LRP1B: variants seen among roughly 807,000 people sequenced by gnomAD.
The protein encoded by LRP1B is LDL receptor related protein 1B.
In LRP1B, 217 loss-of-function variants were observed where a neutral mutation model predicts 556.6. The observed-to-expected ratio is 0.39, with a 90% CI of 0.35 to 0.44. The LOEUF (loss-of-function observed/expected upper bound fraction) is 0.44. LRP1B is among the 20% of genes least tolerant of loss of function. The pLI is 1.00. For missense variants in LRP1B, 5,053 were observed against 5,620.8 expected (o/e 0.90, Z 3.23); for synonymous variants, 2,047 against 1,865.8 (o/e 1.10, Z -2.50).
At chr2:141,820,559 A>G (rs1371607446) in intron 1 of LRP1B, among the ~76,000 whole-genome samples, 2 of 152,226 alleles carry the variant, frequency 1.3e-5, no homozygotes, top group Non-Finnish European at 2.9e-5. Flanking sequence ...TTAGACGGGC[A>G]TTGAGGAATG....
chr2:140,950,288 T>C lies in LRP1B; in HGVS notation c.3083A>G (p.Asp1028Gly). Reference sequence around the variant, plus strand: ...ATCACTGAAGTCCCCACAGTCATTGTCACCATCACAGGCCCAGTGGCCTGG... The same window carrying C: ...ATCACTGAAGTCCCCACAGTCATTGCCACCATCACAGGCCCAGTGGCCTGG... ...CIPGHWACDG[D>G]NDCGDFSDEA... The change falls in exon 20 of 91, where the codon GAC becomes GGC. Residue 1028 changes from aspartate to glycine, a missense_variant. Around this residue, in one of 5 missense-constraint regions of LRP1B, gnomAD observed 3,619 missense variants for 3,931.9 expected, o/e 0.92. Transcript: ENST00000389484. 2 of 1,613,080 alleles carry C rather than the reference T, an allele frequency of 1.2e-6. No homozygotes were observed. The highest frequency in any genetic ancestry group is 2.2e-5 in the East Asian group (1 of 44,770).
intron 15 of LRP1B, among the ~76,000 whole-genome samples, chr2:140,998,116 T>G (rs1425497776): frequency 6.6e-6 from 1 of 152,050 alleles, no homozygotes; most frequent in Non-Finnish European, 1.5e-5. Context: ...GTCCTGTTTC[T>G]TGACAGAGGA....
At chr2:141,347,337 T>C (rs1354459219) in intron 3 of LRP1B, among the ~76,000 whole-genome samples, 1 of 152,052 alleles carries the variant, frequency 6.6e-6, no homozygotes, top group African/African-American at 2.4e-5. Flanking sequence ...AATCAAACTT[T>C]AATAGAATGC....
chr2:141,844,943 G>T (rs954190652), intron 1 of LRP1B, among the ~76,000 whole-genome samples: 4 of 151,716 alleles, frequency 2.6e-5, no homozygotes, highest in Admixed American at 2.0e-4. Context: ...ATTTCTTCAT[G>T]TTTGCCTTAT....
intron 1 of LRP1B, among the ~76,000 whole-genome samples, chr2:142,129,460 T>C (rs904156785): frequency 6.6e-6 from 1 of 152,210 alleles, no homozygotes; most frequent in African/African-American, 2.4e-5. Flanking sequence ...CCCTGTTCTT[T>C]CCTATAATGA....
chr2:142,041,109 T>G (rs1704050179), intron 1 of LRP1B, among the ~76,000 whole-genome samples: 1 of 151,342 alleles, frequency 6.6e-6, no homozygotes, highest in Non-Finnish European at 1.5e-5. Context: ...ACCAGTGCCT[T>G]TTTTTTTCTT....
chr2:140,371,247 T>G lies in LRP1B; in HGVS notation c.10807A>C (p.Ser3603Arg). The change falls in exon 70 of 91, where the codon AGT becomes CGT. Residue 3603 changes from serine to arginine, a missense_variant. This residue lies in a region of LRP1B where 599 missense variants were observed against 648.4 expected (regional missense o/e 0.92). Coordinates refer to ENST00000389484, the MANE Select transcript of LRP1B (RefSeq NM_018557.3). The stretch of plus-strand genomic sequence containing the variant: ...AAAGATGCTGAAATACATCCATCAC[T>G]GGCACATATATATTCACGTGATGAG... Reference protein sequence around the residue: ...TCSSREYICASDGCISASLKC... With the variant: ...TCSSREYICARDGCISASLKC... 6.3e-7 allele frequency: 1 copy of G among 1,596,304 alleles called. No individual in the cohort carries two copies. The highest frequency in any genetic ancestry group is 8.5e-7 in the Non-Finnish European group (1 of 1,171,246).
At chr2:141,858,117 T>C (rs1698121500) in intron 1 of LRP1B, among the ~76,000 whole-genome samples, 1 of 152,076 alleles carries the variant, frequency 6.6e-6, no homozygotes, top group African/African-American at 2.4e-5. Flanking sequence ...TACCTTGTAT[T>C]TAGGATCTTC....
At chr2:141,541,479 C>T (rs560007863) in intron 2 of LRP1B, among the ~76,000 whole-genome samples, 4 of 152,118 alleles carry the variant, frequency 2.6e-5, no homozygotes, top group South Asian at 2.1e-4. Context: ...CAATGTCCAG[C>T]GTGTTCATGA....
chr2:140,465,762 A>G (rs75998578), intron 60 of LRP1B, among the ~76,000 whole-genome samples: 2,288 of 152,044 alleles, frequency 0.015, 55 homozygotes, highest in African/African-American at 0.05. Context: ...CATATATGCA[A>G]ATTTAATGTA....
At chr2:141,282,010 T>C (rs1685526786) in intron 3 of LRP1B, among the ~76,000 whole-genome samples, 1 of 152,118 alleles carries the variant, frequency 6.6e-6, no homozygotes, top group South Asian at 2.1e-4. Flanking sequence ...GTAGCTACTT[T>C]TCTAAAAATA....
chr2:141,090,631 C>T (rs905230303), intron 7 of LRP1B, among the ~76,000 whole-genome samples: 2 of 152,128 alleles, frequency 1.3e-5, no homozygotes, highest in African/African-American at 4.8e-5. Context: ...AATTCAACTT[C>T]TATTTTATGT....
intron 3 of LRP1B, among the ~76,000 whole-genome samples, chr2:141,301,677 T>C (rs1686401280): frequency 6.6e-6 from 1 of 152,198 alleles, no homozygotes; most frequent in African/African-American, 2.4e-5. Flanking sequence ...AATAGCTCAT[T>C]TCCTGAACAG....
chr2:141,082,130 CTTATT>C (rs10531696), intron 7 of LRP1B, among the ~76,000 whole-genome samples: 128,582 of 151,658 alleles, frequency 0.85, 54,848 homozygotes, highest in Non-Finnish European at 0.89. Context: ...CAAGACAATT[CTTATT>C]TTAATTTTTG....
rs781118784 is a variant in LRP1B at position 140,297,911 on chromosome 2, G to A, written c.12864C>T (p.Val4288=). 1 of 1,613,982 alleles carries A rather than the reference G, an allele frequency of 6.2e-7. No homozygotes were observed. The highest frequency in any genetic ancestry group is 1.1e-5 in the South Asian group (1 of 91,056). The change falls in exon 84 of 91, where the codon GTC becomes GTT. Residue 4288 remains valine (V), a synonymous_variant. Transcript: ENST00000389484. ...CTCCATTTTGACAAAAATCCTCACAGACTGTCTTACCACAGTTTGGCCCAG... is the reference window on the plus strand; with the variant it reads ...CTCCATTTTGACAAAAATCCTCACAAACTGTCTTACCACAGTTTGGCCCAG... ...GFTGPNCGKT[V]CEDFCQNGGT... is the part of the protein sequence containing the mutation.
chr2:141,342,542 C>T (rs1449842664), intron 3 of LRP1B, among the ~76,000 whole-genome samples: 1 of 151,816 alleles, frequency 6.6e-6, no homozygotes, highest in Non-Finnish European at 1.5e-5. Context: ...CCTGATTGAA[C>T]TGAAAAACAC....
chr2:140,353,749 T>C (rs1226681522), intron 75 of LRP1B, among the ~76,000 whole-genome samples: 1 of 152,080 alleles, frequency 6.6e-6, no homozygotes, highest in Non-Finnish European at 1.5e-5. Context: ...ATATTCATAT[T>C]CCCTTGAGGA....
At chr2:141,366,097 C>T (rs947381077) in intron 3 of LRP1B, among the ~76,000 whole-genome samples, 6 of 152,098 alleles carry the variant, frequency 3.9e-5, no homozygotes, top group Admixed American at 2.0e-4. Flanking sequence ...GCTCTTATTT[C>T]TTTGTGTTTT....
chr2:141,725,197 A>G (rs1035831178), intron 2 of LRP1B, among the ~76,000 whole-genome samples: 1 of 151,972 alleles, frequency 6.6e-6, no homozygotes, highest in African/African-American at 2.4e-5. Context: ...ACTGCTCATC[A>G]AAACAAAAAG....
Sources: allele counts gnomAD v4.1 joint callset (sites outside exome capture counted in the v4.1 genomes callset), GRCh38; gene constraint gnomAD v4.1.1; regional missense constraint gnomAD v4.1.1; transcripts MANE v1.5; gene names NCBI Gene and HGNC (gene_info 2026-07-23, HGNC 2026-07-21).